The following SMYD3 variants were observed in gnomAD, a reference collection of about 807,000 sequenced individuals.
SMYD3 encodes histone-lysine N-methyltransferase SMYD3.
In SMYD3, 36 loss-of-function variants were observed where a neutral mutation model predicts 57.7. That is an observed-to-expected ratio of 0.62 (90% CI 0.48 to 0.82). The LOEUF (loss-of-function observed/expected upper bound fraction) is 0.82, where lower values mean the gene tolerates loss of function less well. Among genes scored for constraint, SMYD3 ranks in the 40% least tolerant of loss-of-function variants. The probability of loss-of-function intolerance (pLI) is 0.00; values close to 1 mark genes in which losing one functional copy is unlikely to be tolerated. For missense variants in SMYD3, 515 were observed against 538.8 expected (o/e 0.96, Z 0.44); for synonymous variants, 211 against 195.0 (o/e 1.08, Z -0.68).
intron 5 of SMYD3, among the ~76,000 whole-genome samples, chr1:246,280,471 T>C (rs897111306): frequency 6.6e-6 from 1 of 152,124 alleles, no homozygotes; most frequent in Admixed American, 6.5e-5. Flanking sequence ...ATAATCTCCA[T>C]CATCTACTTA....
chr1:245,752,239 G>A (rs896230670), intron 11 of SMYD3, among the ~76,000 whole-genome samples: 1 of 152,210 alleles, frequency 6.6e-6, no homozygotes, highest in African/African-American at 2.4e-5. Context: ...TCACTGCCTG[G>A]AAAGATCTTT....
At chr1:245,860,318 CCT>C (rs1558431309) in intron 9 of SMYD3, among the ~76,000 whole-genome samples, 1 of 152,188 alleles carries the variant, frequency 6.6e-6, no homozygotes, top group Non-Finnish European at 1.5e-5. Context: ...GTCCCCTCTC[CCT>C]CTCTGTCCAG....
chr1:246,261,464 G>A (rs531872250), intron 5 of SMYD3, among the ~76,000 whole-genome samples: 9 of 151,012 alleles, frequency 6.0e-5, no homozygotes, highest in African/African-American at 2.2e-4. Context: ...AGATATAATC[G>A]TTTATTATAT....
chr1:246,227,398 G>A (rs556735944), intron 5 of SMYD3, among the ~76,000 whole-genome samples: 4 of 152,304 alleles, frequency 2.6e-5, no homozygotes, highest in Non-Finnish European at 5.9e-5. Flanking sequence ...GGTGAATCAA[G>A]AGGTCAAGAG....
chr1:246,414,851 G>A (rs2067035015), intron 1 of SMYD3, among the ~76,000 whole-genome samples: 1 of 151,450 alleles, frequency 6.6e-6, no homozygotes, highest in Non-Finnish European at 1.5e-5. Context: ...TGAGTAGCTG[G>A]AATTACAGGC....
At chr1:246,188,229 T>A (rs1340411818) in intron 5 of SMYD3, among the ~76,000 whole-genome samples, 5 of 152,000 alleles carry the variant, frequency 3.3e-5, no homozygotes, top group African/African-American at 1.2e-4. Flanking sequence ...AGACTGTTCA[T>A]TCATCCAGCA....
intron 10 of SMYD3, among the ~76,000 whole-genome samples, chr1:245,800,956 A>G (rs1353868944): frequency 6.6e-6 from 1 of 152,218 alleles, no homozygotes; most frequent in Admixed American, 6.5e-5. Flanking sequence ...TACAGTTTTC[A>G]TTACAGAATG....
At chr1:246,380,369 T>G (rs975390830) in intron 1 of SMYD3, among the ~76,000 whole-genome samples, 1 of 152,228 alleles carries the variant, frequency 6.6e-6, no homozygotes, top group African/African-American at 2.4e-5. Context: ...TGATCAACCT[T>G]GACTAAGCAA....
intron 10 of SMYD3, among the ~76,000 whole-genome samples, chr1:245,816,127 A>G (rs2048788833): frequency 6.6e-6 from 1 of 152,220 alleles, no homozygotes; most frequent in South Asian, 2.1e-4. Context: ...TCTAGAGAAA[A>G]GCATAATAAA....
At chr1:246,483,186 C>T (rs1363488976) in intron 1 of SMYD3, among the ~76,000 whole-genome samples, 1 of 152,170 alleles carries the variant, frequency 6.6e-6, no homozygotes, top group Non-Finnish European at 1.5e-5. Context: ...ACTTCCCCCT[C>T]GATGATATGT....
chr1:246,151,258 A>G (rs939441175), intron 5 of SMYD3, among the ~76,000 whole-genome samples: 1 of 152,052 alleles, frequency 6.6e-6, no homozygotes, highest in Non-Finnish European at 1.5e-5. Context: ...AAAAAAAAAA[A>G]AAAATTCCTT....
intron 1 of SMYD3, among the ~76,000 whole-genome samples, chr1:246,398,507 G>A (rs990907979): frequency 2.6e-5 from 4 of 152,230 alleles, no homozygotes; most frequent in South Asian, 2.1e-4. Flanking sequence ...TGTACAACAT[G>A]CAGTGGTGAT....
intron 1 of SMYD3, among the ~76,000 whole-genome samples, chr1:246,462,172 G>T (rs911655442): frequency 6.6e-6 from 1 of 151,310 alleles, no homozygotes; most frequent in Non-Finnish European, 1.5e-5. Context: ...ATGGCAAGAA[G>T]AATTCGCCTG....
chr1:246,393,267 C>A (rs1468929184), intron 1 of SMYD3, among the ~76,000 whole-genome samples: 1 of 152,008 alleles, frequency 6.6e-6, no homozygotes, highest in African/African-American at 2.4e-5. Flanking sequence ...CAATGAAGTT[C>A]TTTTTTTAAA....
At chr1:245,797,899 T>C (rs1161720868) in intron 10 of SMYD3, among the ~76,000 whole-genome samples, 2 of 150,124 alleles carry the variant, frequency 1.3e-5, no homozygotes, top group Non-Finnish European at 3.0e-5. Flanking sequence ...GCTTCTTATG[T>C]GTTCTAGGGA....
chr1:246,300,020 T>TA (rs568588598), intron 5 of SMYD3, among the ~76,000 whole-genome samples: 2,230 of 143,636 alleles, frequency 0.016, 32 homozygotes, highest in African/African-American at 0.036. Flanking sequence ...AATTAAAGTT[T>TA]AAAAAAAAAA....
chr1:245,855,264 G>A (rs372345372), intron 10 of SMYD3, among the ~76,000 whole-genome samples: 3 of 151,766 alleles, frequency 2.0e-5, no homozygotes, highest in African/African-American at 4.8e-5. Context: ...AATATTCGAC[G>A]CACAAAAATT....
intron 5 of SMYD3, among the ~76,000 whole-genome samples, chr1:246,289,141 C>T (rs576427272): frequency 2.4e-4 from 36 of 151,966 alleles, no homozygotes; most frequent in African/African-American, 8.4e-4. Context: ...TCTTAAAAAG[C>T]GATTGTTAAT....
chr1:246,191,140 T>A (rs1288344316), intron 5 of SMYD3, among the ~76,000 whole-genome samples: 2 of 152,260 alleles, frequency 1.3e-5, no homozygotes, highest in African/African-American at 2.4e-5. Flanking sequence ...TTCAATGTTT[T>A]GGTACCAATT....
Sources: gnomAD v4.1 joint callset for allele counts (sites outside exome capture counted in the v4.1 genomes callset) on GRCh38, gnomAD v4.1.1 for gene constraint, MANE v1.5 for transcripts, NCBI Gene and HGNC (gene_info 2026-07-23, HGNC 2026-07-21) for gene names.